TRHDE: variants seen among roughly 807,000 people sequenced by gnomAD.
TRHDE encodes thyrotropin releasing hormone degrading enzyme.
Under a neutral mutation model 125.7 loss-of-function variants are expected in TRHDE, and 72 were observed. The observed-to-expected ratio is 0.57, with a 90% CI of 0.47 to 0.70. TRHDE has a LOEUF of 0.70. TRHDE is among the 30% of genes least tolerant of loss of function. The pLI is 0.00. For missense variants in TRHDE, 1,110 were observed against 1,327.1 expected (o/e 0.84, Z 2.54); for synonymous variants, 509 against 509.1 (o/e 1.00, Z 0.00).
intron 6 of TRHDE, among the ~76,000 whole-genome samples, chr12:72,527,173 A>G (rs1483448071): frequency 1.3e-5 from 2 of 152,192 alleles, no homozygotes; most frequent in African/African-American, 4.8e-5. Flanking sequence ...ATGTCTAGCC[A>G]TGAAGCAAAA....
In TRHDE at chr12:72,338,636, G is replaced by A. The variant is rs371989327; in HGVS notation, c.1189-39359G>A. On this transcript the variant is annotated intron_variant, in intron 2 of 18. Transcript: ENST00000261180. ...CACAAGGCTATAAAGAGGACTCAGT[G>A]GTTGATGTATGTAAAGCCCTGTGCA... Among the ~76,000 whole-genome samples, 19 of 152,272 alleles carry A rather than the reference G, an allele frequency of 1.2e-4. No homozygotes were observed. In the East Asian group the frequency reaches 2.7e-3, roughly 22 times the overall value.
intron 6 of TRHDE, among the ~76,000 whole-genome samples, chr12:72,538,321 A>G (rs1053047935): frequency 6.6e-6 from 1 of 151,896 alleles, no homozygotes; most frequent in African/African-American, 2.4e-5. Context: ...TTCTTAAAAC[A>G]TGTCTTCTAT....
In TRHDE at chr12:72,554,182, C is replaced by G. The variant is rs552026256; in HGVS notation, c.1789-7983C>G. Among the ~76,000 whole-genome samples the G allele has an allele frequency of 5.9e-5, 9 of 152,206 alleles. No homozygotes were observed. The South Asian group carries it at 1.5e-3, about 25-fold the overall frequency. On this transcript the variant is annotated intron_variant, in intron 7 of 18. Transcript: ENST00000261180. The stretch of plus-strand genomic sequence containing the variant: ...TAATTTTCTTATAGTGTTTCTAGAA[C>G]ATTTTGGCTTCTCTTGGAGGGAAGA...
In TRHDE at chr12:72,663,270, T is replaced by C; in HGVS notation, c.*75T>C. 1 of 1,267,010 alleles carries C rather than the reference T, an allele frequency of 7.9e-7. No homozygotes were observed. Among genetic ancestry groups the C allele is most frequent in the Non-Finnish European group, 1.1e-6 (1 of 946,536 alleles). The allele number at this position is 1,267,010 out of a possible 1,614,324, so 78.5% of individuals were successfully genotyped here. ...CACGCTTTTTGTGGAATGAGGAAAA[T>C]GTACTACCTAGAAAATGGCCAGATT... On this transcript the variant is annotated 3_prime_UTR_variant, in exon 19 of 19. Coordinates refer to ENST00000261180, the MANE Select transcript of TRHDE (RefSeq NM_013381.3).
chr12:72,398,361 G>A lies in TRHDE; in HGVS notation c.1315+20240G>A, dbSNP rs538004911. Among the ~76,000 whole-genome samples, 117 of 152,248 alleles carry A rather than the reference G, an allele frequency of 7.7e-4. 2 individuals are homozygous for A. The highest frequency in any genetic ancestry group is 2.6e-3 in the African/African-American group (108 of 41,558). Reference sequence around the variant, plus strand: ...TGGGTATATACCCAGTAATGGGATGGCTGGGTCAAATGGTATTTCTAGTTC... The same window carrying A: ...TGGGTATATACCCAGTAATGGGATGACTGGGTCAAATGGTATTTCTAGTTC... On this transcript the variant is annotated intron_variant, in intron 3 of 18. Transcript: ENST00000261180.
At position 72,575,510 on chromosome 12, in the gene TRHDE, G is replaced by C. The variant is rs763469970; in HGVS notation, c.2289G>C (p.Ala763=). 6.2e-7 allele frequency: 1 copy of C among 1,613,470 alleles called. No homozygotes were observed. Among genetic ancestry groups the C allele is most frequent in the Non-Finnish European group, 8.5e-7 (1 of 1,179,698 alleles). ...AGGTTCTTTCTGTCAGTAACCGAGC[G>C]GGCTTGATCGATGATGCCTTCAGCC... is the stretch of plus-strand genomic sequence containing the variant. ...NHEVLSVSNR[A]GLIDDAFSLA... Residue 763 remains alanine (A), a synonymous_variant, in exon 12 of 19, where the codon GCG becomes GCC. Coordinates refer to ENST00000261180, the MANE Select transcript of TRHDE (RefSeq NM_013381.3).
At chr12:72,596,872 A>C (rs981917037) in intron 12 of TRHDE, among the ~76,000 whole-genome samples, 3 of 152,358 alleles carry the variant, frequency 2.0e-5, no homozygotes, top group African/African-American at 7.2e-5. Flanking sequence ...GAAAAAGATA[A>C]AATGATAGTA....
chr12:72,334,413 G>A (rs954621648), intron 2 of TRHDE, among the ~76,000 whole-genome samples: 1 of 152,222 alleles, frequency 6.6e-6, no homozygotes, highest in Non-Finnish European at 1.5e-5. Flanking sequence ...TGCATTTTAA[G>A]AGTCCACAAC....
chr12:72,133,623 G>A (rs1875916069), intron 2 of TRHDE, among the ~76,000 whole-genome samples: 1 of 152,070 alleles, frequency 6.6e-6, no homozygotes, highest in Non-Finnish European at 1.5e-5. Flanking sequence ...CATTTATGCT[G>A]AACTTGTGGG....
intron 2 of TRHDE, among the ~76,000 whole-genome samples, chr12:72,124,126 A>G (rs1313376274): frequency 6.6e-6 from 1 of 152,168 alleles, no homozygotes; most frequent in Non-Finnish European, 1.5e-5. Context: ...GCCTCCATAC[A>G]TCTAATTCGT....
At chr12:72,566,446 C>T (rs577701481) in intron 9 of TRHDE, among the ~76,000 whole-genome samples, 7 of 151,100 alleles carry the variant, frequency 4.6e-5, no homozygotes, top group South Asian at 4.2e-4. Flanking sequence ...CTGTGTGATA[C>T]AATGCCTGAC....
intron 2 of TRHDE, among the ~76,000 whole-genome samples, chr12:72,237,157 A>C (rs1395338136): frequency 6.6e-6 from 1 of 152,200 alleles, no homozygotes; most frequent in Admixed American, 6.6e-5. Flanking sequence ...TCAGCTTGTG[A>C]GATATTATCA....
chr12:72,559,442 C>A (rs1183857194), intron 7 of TRHDE, among the ~76,000 whole-genome samples: 3 of 152,126 alleles, frequency 2.0e-5, no homozygotes, highest in Non-Finnish European at 4.4e-5. Flanking sequence ...GCATTTTAAA[C>A]CACTATGCTA....
At chr12:72,412,290 TAAAAG>T (rs1479623940) in intron 3 of TRHDE, among the ~76,000 whole-genome samples, 1 of 152,004 alleles carries the variant, frequency 6.6e-6, no homozygotes, top group African/African-American at 2.4e-5. Context: ...AGAGGCAACT[TAAAAG>T]AGAATATTCA....
At chr12:72,103,910 G>A (rs767228419) in intron 1 of TRHDE, among the ~76,000 whole-genome samples, 29 of 152,134 alleles carry the variant, frequency 1.9e-4, no homozygotes, top group Non-Finnish European at 3.1e-4. Context: ...AGAAATTAGA[G>A]TGTTTCCATA....
chr12:72,195,424 C>T (rs955507093), intron 2 of TRHDE, among the ~76,000 whole-genome samples: 1 of 151,988 alleles, frequency 6.6e-6, no homozygotes, highest in African/African-American at 2.4e-5. Flanking sequence ...TGTTTTTTGA[C>T]GTTTTGATAG....
chr12:72,388,046 A>C (rs1872499761), intron 3 of TRHDE, among the ~76,000 whole-genome samples: 2 of 150,320 alleles, frequency 1.3e-5, no homozygotes, highest in South Asian at 2.1e-4. Flanking sequence ...GGACCCTCTA[A>C]TCTCATTTAT....
intron 2 of TRHDE, among the ~76,000 whole-genome samples, chr12:72,121,305 C>T (rs571503110): frequency 6.6e-6 from 1 of 152,248 alleles, no homozygotes; most frequent in Admixed American, 6.5e-5. Flanking sequence ...AATTGCAGTC[C>T]TTGTGGCCTA....
intron 1 of TRHDE, among the ~76,000 whole-genome samples, chr12:72,095,615 C>G (rs1478906530): frequency 1.3e-5 from 2 of 152,220 alleles, no homozygotes; most frequent in African/African-American, 4.8e-5. Context: ...TTATATTCAA[C>G]TCTGCTTTCT....
Sources: gnomAD v4.1 joint callset for allele counts (sites outside exome capture counted in the v4.1 genomes callset) on GRCh38, gnomAD v4.1.1 for gene constraint, MANE v1.5 for transcripts, NCBI Gene and HGNC (gene_info 2026-07-23, HGNC 2026-07-21) for gene names.